The following ACAP2 variants were observed in gnomAD, a reference collection of about 807,000 sequenced individuals.
The protein encoded by ACAP2 is ArfGAP with coiled-coil, ankyrin repeat and PH domains 2, also known as arf-GAP with coiled-coil, ANK repeat and PH domain-containing protein 2.
A neutral mutation model predicts 115.8 loss-of-function variants in ACAP2; 39 were observed. The ratio of observed to expected loss-of-function variants is 0.34; its 90% CI spans 0.26 to 0.44. The LOEUF (loss-of-function observed/expected upper bound fraction) is 0.44, where lower values mean the gene tolerates loss of function less well. Ranked by LOEUF, ACAP2 falls within the 20% of genes least tolerant of loss-of-function variation. ACAP2 has a pLI of 1.00. For missense variants in ACAP2, 662 were observed against 927.6 expected (o/e 0.71, Z 3.72); for synonymous variants, 289 against 315.8 (o/e 0.92, Z 0.90).
At chr3:195,308,954 A>G (rs1460460026) in intron 10 of ACAP2, 117 bp from the exon 11 acceptor site, 1 of 958,334 alleles carries the variant, frequency 1.0e-6, no homozygotes, top group Non-Finnish European at 1.6e-6. Context: ...TGTTTTGAGA[A>G]GTCCACTGTA....
intron 10 of ACAP2, among the ~76,000 whole-genome samples, chr3:195,317,055 G>A (rs1020301491): frequency 1.1e-4 from 16 of 151,016 alleles, no homozygotes; most frequent in Non-Finnish European, 1.6e-4. Context: ...ACACCACCAC[G>A]CCAGGCTAAT....
intron 1 of ACAP2, among the ~76,000 whole-genome samples, chr3:195,427,799 T>C (rs1421713528): frequency 1.3e-5 from 2 of 151,854 alleles, no homozygotes; most frequent in Non-Finnish European, 2.9e-5. Flanking sequence ...TGTTCCCTGA[T>C]AGGAGGCTGA....
At chr3:195,382,991 A>G (rs898963840) in intron 2 of ACAP2, among the ~76,000 whole-genome samples, 1 of 152,144 alleles carries the variant, frequency 6.6e-6, no homozygotes, top group Non-Finnish European at 1.5e-5. Flanking sequence ...TGATTTATCA[A>G]TGTGCATCCA....
At chr3:195,378,577 A>C (rs904444682) in intron 4 of ACAP2, among the ~76,000 whole-genome samples, 1 of 151,610 alleles carries the variant, frequency 6.6e-6, no homozygotes, top group African/African-American at 2.4e-5. Flanking sequence ...ACCTTGCTTC[A>C]AGGCCAGGTG....
chr3:195,284,904 C>T (rs1726744274), intron 22 of ACAP2, among the ~76,000 whole-genome samples: 1 of 152,164 alleles, frequency 6.6e-6, no homozygotes, highest in African/African-American at 2.4e-5. Context: ...AATAATTACT[C>T]TCTTCTTTGT....
intron 4 of ACAP2, among the ~76,000 whole-genome samples, chr3:195,369,358 C>T (rs1732965277): frequency 6.6e-6 from 1 of 152,174 alleles, no homozygotes; most frequent in Non-Finnish European, 1.5e-5. Flanking sequence ...CAGATTGTTT[C>T]ATCACCCAGG....
chr3:195,410,859 G>T (rs1713202029), intron 1 of ACAP2: 5 of 180,288 alleles, frequency 2.8e-5, no homozygotes, highest in Non-Finnish European at 6.1e-5. Context: ...AAAAGAGGCT[G>T]AAGAAAGGGT....
chr3:195,373,785 C>A (rs1187553022), intron 4 of ACAP2, among the ~76,000 whole-genome samples: 3 of 151,660 alleles, frequency 2.0e-5, no homozygotes, highest in Non-Finnish European at 2.9e-5. Context: ...CAAAAATTAG[C>A]CAGGTGGTGG....
intron 2 of ACAP2, 118 bp from the exon 3 acceptor site, chr3:195,382,140 T>C (rs1577389455): frequency 1.1e-6 from 1 of 923,382 alleles, no homozygotes. Flanking sequence ...GTTTCATCGA[T>C]AAACTCAAAA....
intron 4 of ACAP2, among the ~76,000 whole-genome samples, chr3:195,378,089 A>AGGAAGCGGAGGAGGAAGGGAGGAAGC (rs879267088): frequency 1.7e-4 from 26 of 149,102 alleles, no homozygotes; most frequent in African/African-American, 6.7e-4. Context: ...GGAGGAAGGG[A>AGGAAGCGGAGGAGGAAGGGAGGAAGC]GGAGGAGGAA....
chr3:195,332,408 T>C (rs1730231707), intron 8 of ACAP2, among the ~76,000 whole-genome samples: 1 of 152,210 alleles, frequency 6.6e-6, no homozygotes, highest in Admixed American at 6.5e-5. Context: ...AATTCTCCTT[T>C]TCAATACCTT....
intron 4 of ACAP2, among the ~76,000 whole-genome samples, chr3:195,373,220 G>A (rs78576233): frequency 0.021 from 3,257 of 151,630 alleles, 114 homozygotes; most frequent in East Asian, 0.1. Context: ...GAGCCCAGAA[G>A]TTCGTTTAAA....
chr3:195,398,264 G>A (rs1711970613), intron 1 of ACAP2, among the ~76,000 whole-genome samples: 1 of 152,158 alleles, frequency 6.6e-6, no homozygotes, highest in Non-Finnish European at 1.5e-5. Flanking sequence ...ATGAAGGAAG[G>A]TTACAGTTCT....
Position 195,359,351 on chromosome 3 carries a change from G to T in ACAP2, c.286-14034C>A, listed in dbSNP as rs111401980. On this transcript the variant is annotated intron_variant, in intron 4 of 22. Transcript: ENST00000326793. The stretch of plus-strand genomic sequence containing the variant: ...CTATCTTAAGTATTAATAGAAAGGT[G>T]AAAAGATAAACCAAAAATAATGAGT... 2.2e-4 allele frequency among the ~76,000 whole-genome samples: 33 copies of T among 152,304 alleles called. 1 individual carries two copies. The highest frequency in any genetic ancestry group is 7.9e-4 in the African/African-American group (33 of 41,562).
chr3:195,308,859 TAA>T (rs1560226765), intron 10 of ACAP2, 22 bp from the exon 11 acceptor site: 2 of 1,579,338 alleles, frequency 1.3e-6, no homozygotes, highest in South Asian at 2.3e-5. Flanking sequence ...CAAAATAGAT[TAA>T]GTTTTCATAA....
chr3:195,365,823 C>T (rs1456007459), intron 4 of ACAP2, among the ~76,000 whole-genome samples: 1 of 150,860 alleles, frequency 6.6e-6, no homozygotes, highest in Non-Finnish European at 1.5e-5. Context: ...TTCCTCTCTA[C>T]TTCATCTGCC....
intron 4 of ACAP2, among the ~76,000 whole-genome samples, chr3:195,359,041 C>T (rs1022589091): frequency 2.0e-5 from 3 of 152,064 alleles, no homozygotes; most frequent in African/African-American, 7.2e-5. Context: ...ATTTAAAGTG[C>T]TGGCAAAAAA....
intron 4 of ACAP2, among the ~76,000 whole-genome samples, chr3:195,374,796 G>A (rs1244681188): frequency 3.3e-5 from 5 of 151,716 alleles, no homozygotes; most frequent in African/African-American, 7.3e-5. Flanking sequence ...CTCACTACAA[G>A]CTCCGCCTCC....
At chr3:195,396,404 G>A (rs1711777945) in intron 1 of ACAP2, among the ~76,000 whole-genome samples, 1 of 152,014 alleles carries the variant, frequency 6.6e-6, no homozygotes, top group Non-Finnish European at 1.5e-5. Context: ...CTAAGCTACT[G>A]TTTGTAAAAA....
Sources: allele counts gnomAD v4.1 joint callset (sites outside exome capture counted in the v4.1 genomes callset), GRCh38; gene constraint gnomAD v4.1.1; transcripts MANE v1.5; gene names NCBI Gene and HGNC (gene_info 2026-07-23, HGNC 2026-07-21).